SYT14: variants seen among roughly 807,000 people sequenced by gnomAD.
The protein encoded by SYT14 is synaptotagmin 14.
In SYT14, 32 loss-of-function variants were observed where a neutral mutation model predicts 74.2. That is an observed-to-expected ratio of 0.43 (90% CI 0.33 to 0.58). The LOEUF (loss-of-function observed/expected upper bound fraction) is 0.58, where lower values mean the gene tolerates loss of function less well. Ranked by LOEUF, SYT14 falls within the 20% of genes least tolerant of loss-of-function variation. The pLI is 0.05. For missense variants in SYT14, 791 were observed against 981.8 expected (o/e 0.81, Z 2.60); for synonymous variants, 298 against 337.7 (o/e 0.88, Z 1.29).
At chr1:210,122,393 C>A (rs1441863832) in intron 7 of SYT14, among the ~76,000 whole-genome samples, 1 of 152,140 alleles carries the variant, frequency 6.6e-6, no homozygotes, top group Non-Finnish European at 1.5e-5. Flanking sequence ...AAGATCCAGA[C>A]TGATTGGGCA....
intron 7 of SYT14, among the ~76,000 whole-genome samples, chr1:210,143,524 T>C (rs1055994415): frequency 5.3e-5 from 8 of 152,168 alleles, no homozygotes; most frequent in Admixed American, 3.9e-4. Context: ...AAATGTCATA[T>C]ATTATTTAGC....
chr1:209,965,596 A>G (rs1366047180), intron 2 of SYT14, among the ~76,000 whole-genome samples: 2 of 152,120 alleles, frequency 1.3e-5, no homozygotes, highest in Admixed American at 6.5e-5. Context: ...TGCTGGGTTG[A>G]ATGGTAGTTC....
At chr1:209,954,498 T>C (rs2102687837) in intron 2 of SYT14, among the ~76,000 whole-genome samples, 1 of 152,304 alleles carries the variant, frequency 6.6e-6, no homozygotes, top group Non-Finnish European at 1.5e-5. Flanking sequence ...TGAATCTCTG[T>C]TTATCCTCTC....
chr1:210,052,311 C>T (rs1240711577), intron 5 of SYT14, among the ~76,000 whole-genome samples: 5 of 151,458 alleles, frequency 3.3e-5, no homozygotes, highest in Non-Finnish European at 7.4e-5. Context: ...AGCTCCGCCT[C>T]CCGGGTTCAC....
At chr1:210,156,609 A>G (rs1400535566) in intron 8 of SYT14, among the ~76,000 whole-genome samples, 1 of 147,702 alleles carries the variant, frequency 6.8e-6, no homozygotes, top group South Asian at 2.3e-4. Flanking sequence ...TTATGGGAGG[A>G]TATTGAAATT....
At chr1:210,043,471 A>C (rs1040159620) in intron 5 of SYT14, among the ~76,000 whole-genome samples, 4 of 152,178 alleles carry the variant, frequency 2.6e-5, no homozygotes, top group African/African-American at 9.7e-5. Flanking sequence ...AAAAAAAATA[A>C]GTGCAAGTTG....
At chr1:210,075,470 G>A (rs1481096453) in intron 5 of SYT14, among the ~76,000 whole-genome samples, 2 of 152,050 alleles carry the variant, frequency 1.3e-5, no homozygotes, top group East Asian at 3.9e-4. Context: ...GAGTAGCTGG[G>A]ATTACAGGTG....
intron 2 of SYT14, among the ~76,000 whole-genome samples, chr1:209,966,935 A>G (rs892446683): frequency 6.6e-6 from 1 of 152,160 alleles, no homozygotes; most frequent in Non-Finnish European, 1.5e-5. Context: ...TCTCAAGGGA[A>G]GAGCATTCAG....
At chr1:210,060,946 A>T (rs573991329) in intron 5 of SYT14, among the ~76,000 whole-genome samples, 1 of 152,174 alleles carries the variant, frequency 6.6e-6, no homozygotes, top group East Asian at 1.9e-4. Context: ...GACATCTTTG[A>T]TTTATCTACT....
chr1:210,101,971 T>G (rs1363750561), intron 7 of SYT14, among the ~76,000 whole-genome samples: 1 of 152,232 alleles, frequency 6.6e-6, no homozygotes. Flanking sequence ...CTAAGCAATT[T>G]TTTAATGGAC....
chr1:209,955,298 G>A (rs2078976124), intron 2 of SYT14, among the ~76,000 whole-genome samples: 2 of 152,100 alleles, frequency 1.3e-5, no homozygotes, highest in Admixed American at 6.6e-5. Flanking sequence ...TAAAATGCAA[G>A]TCTTGATTTT....
intron 7 of SYT14, among the ~76,000 whole-genome samples, chr1:210,150,077 G>T (rs2083127554): frequency 6.6e-6 from 1 of 152,094 alleles, no homozygotes; most frequent in African/African-American, 2.4e-5. Flanking sequence ...AAATCTCATG[G>T]GCTCTAAGCA....
intron 5 of SYT14, among the ~76,000 whole-genome samples, chr1:210,070,773 T>A (rs924212894): frequency 9.9e-5 from 15 of 152,112 alleles, no homozygotes; most frequent in Admixed American, 9.8e-4. Flanking sequence ...TTTCTTGGTA[T>A]AGGGTCGTCT....
intron 5 of SYT14, among the ~76,000 whole-genome samples, chr1:210,050,171 T>G (rs2080965204): frequency 1.3e-5 from 2 of 152,198 alleles, no homozygotes; most frequent in Admixed American, 6.5e-5. Flanking sequence ...ACGTCTTGAA[T>G]GCTTTTCTGC....
At chr1:209,975,708 G>A (rs1365671071) in intron 2 of SYT14, among the ~76,000 whole-genome samples, 1 of 152,192 alleles carries the variant, frequency 6.6e-6, no homozygotes, top group Non-Finnish European at 1.5e-5. Context: ...TCAGGATGAT[G>A]CTGGCCTCAT....
At chr1:210,018,105 T>C (rs947368409) in intron 4 of SYT14, among the ~76,000 whole-genome samples, 4 of 152,202 alleles carry the variant, frequency 2.6e-5, no homozygotes, top group African/African-American at 9.6e-5. Context: ...TCTGAAAATG[T>C]ATCCATTTTG....
intron 5 of SYT14, among the ~76,000 whole-genome samples, chr1:210,090,887 A>C (rs2081853989): frequency 1.3e-5 from 2 of 152,196 alleles, no homozygotes; most frequent in Admixed American, 1.3e-4. Context: ...TATATTTTTT[A>C]ATGAAATTTT....
chr1:210,144,797 A>G (rs780331274), intron 7 of SYT14, among the ~76,000 whole-genome samples: 7 of 152,150 alleles, frequency 4.6e-5, no homozygotes, highest in Non-Finnish European at 1.0e-4. Flanking sequence ...AAGGGAACAT[A>G]TAACATAATT....
chr1:210,100,083 C>T, exon 7 of SYT14: 1 of 1,614,102 alleles, frequency 6.2e-7, no homozygotes, highest in Non-Finnish European at 8.5e-7. Context: ...CTAAATATGG[C>T]ACACTGGATG....
Sources: gnomAD v4.1 joint callset for allele counts (sites outside exome capture counted in the v4.1 genomes callset) on GRCh38, gnomAD v4.1.1 for gene constraint, MANE v1.5 for transcripts, NCBI Gene and HGNC (gene_info 2026-07-23, HGNC 2026-07-21) for gene names.